The following GREB1L variants were observed in gnomAD, a reference collection of about 807,000 sequenced individuals.
The protein encoded by GREB1L is GREB1-like protein.
In GREB1L, 17 loss-of-function variants were observed where a neutral mutation model predicts 200.8. The observed-to-expected ratio is 0.08, with a 90% CI of 0.06 to 0.13. The LOEUF (loss-of-function observed/expected upper bound fraction) is 0.13. Ranked by LOEUF, GREB1L falls within the 10% of genes least tolerant of loss-of-function variation. The pLI is 1.00. For missense variants in GREB1L, 1,657 were observed against 2,367.7 expected, an observed-to-expected ratio of 0.70 and a Z score of 6.23; for synonymous variants, 789 against 893.0, an observed-to-expected ratio of 0.88 and a Z score of 2.08.
chr18:21,402,974 T>C (rs1437101892), intron 6 of GREB1L, among the ~76,000 whole-genome samples: 1 of 151,988 alleles, frequency 6.6e-6, no homozygotes, highest in Admixed American at 6.6e-5. Flanking sequence ...CTATTGGAGA[T>C]AAGCTCTTAG....
chr18:21,395,901 T>G (rs2041039862), intron 5 of GREB1L, among the ~76,000 whole-genome samples: 1 of 151,336 alleles, frequency 6.6e-6, no homozygotes, highest in Non-Finnish European at 1.5e-5. Context: ...AGCTAATTTT[T>G]GTGTTTTTAG....
intron 1 of GREB1L, among the ~76,000 whole-genome samples, chr18:21,260,391 A>AG (rs1286984757): frequency 6.6e-6 from 1 of 152,004 alleles, no homozygotes; most frequent in East Asian, 1.9e-4. Flanking sequence ...CATATTAAGG[A>AG]GGGAAAAAAA....
At chr18:21,328,901 T>TA (rs2145009833) in intron 1 of GREB1L, among the ~76,000 whole-genome samples, 2 of 152,274 alleles carry the variant, frequency 1.3e-5, no homozygotes, top group East Asian at 3.9e-4. Flanking sequence ...TATCCCCACT[T>TA]TACAGATGAG....
chr18:21,514,031 G>A, intron 28 of GREB1L, 45 bp downstream of exon 28: 2 of 1,497,072 alleles, frequency 1.3e-6, no homozygotes, highest in Non-Finnish European at 1.8e-6. Context: ...CTATAGACAG[G>A]ACAATACATT....
intron 5 of GREB1L, 55 bp downstream of exon 5, chr18:21,395,616 A>G: frequency 2.3e-6 from 3 of 1,297,354 alleles, no homozygotes; most frequent in Non-Finnish European, 2.1e-6. Flanking sequence ...TAAAATACAC[A>G]TTTATTTAAA....
At chr18:21,372,929 T>C (rs939621258) in intron 2 of GREB1L, among the ~76,000 whole-genome samples, 7 of 151,854 alleles carry the variant, frequency 4.6e-5, no homozygotes, top group African/African-American at 9.7e-5. Context: ...TTTTCCTTTT[T>C]CTTTTCTTTT....
chr18:21,427,514 A>G (rs2032711724), intron 7 of GREB1L, among the ~76,000 whole-genome samples: 1 of 152,180 alleles, frequency 6.6e-6, no homozygotes, highest in Non-Finnish European at 1.5e-5. Context: ...CAAAAAAACA[A>G]AAAACAAAAA....
chr18:21,454,554 C>A lies in GREB1L; in HGVS notation c.2173C>A (p.Arg725=), dbSNP rs1220139933. Reference sequence around the variant, plus strand: ...GGTTCAGCAAACTCTTCAGCGGATTCGACAATCAGGTAAGAGTGAACTTTC... The same window carrying A: ...GGTTCAGCAAACTCTTCAGCGGATTAGACAATCAGGTAAGAGTGAACTTTC... ...VLVQQTLQRI[R]QSGVLVDLGL... The change falls in exon 15 of 33, where the codon CGA becomes AGA. Residue 725 remains arginine, a synonymous_variant. Coordinates refer to ENST00000424526, the MANE Select transcript of GREB1L (RefSeq NM_001142966.3). 36 of 1,550,934 alleles carry A rather than the reference C, an allele frequency of 2.3e-5. No individual in the cohort carries two copies. The East Asian group carries it at 8.1e-4, about 35-fold the overall frequency.
At position 21,441,268 on chromosome 18, in the gene GREB1L, A is replaced by G. The variant is rs1228927735; in HGVS notation, c.1070-132A>G. 6.5e-6 allele frequency: 5 copies of G among 769,684 alleles called. No individual in the cohort carries two copies. In the African/African-American group the frequency reaches 9.0e-5, roughly 14 times the overall value. The allele number at this position is 769,684 out of a possible 1,614,324, so 47.7% of individuals were successfully genotyped here. A position where few individuals can be genotyped will look rare whatever the true frequency, so the allele number is the denominator to read the frequency against. On this transcript the variant is annotated intron_variant, in intron 9 of 32. Coordinates refer to ENST00000424526, the MANE Select transcript of GREB1L (RefSeq NM_001142966.3). Reference sequence around the variant, plus strand: ...TTTCACTTATCACTTTACACAATAAACCTAATGAAAAACACAACAAACCAT... The same window carrying G: ...TTTCACTTATCACTTTACACAATAAGCCTAATGAAAAACACAACAAACCAT...
chr18:21,290,749 T>C (rs1025875160), intron 1 of GREB1L, among the ~76,000 whole-genome samples: 8 of 144,300 alleles, frequency 5.5e-5, no homozygotes, highest in Non-Finnish European at 6.0e-5. Flanking sequence ...CGCTTGAACC[T>C]GGGAGGTGGA....
intron 1 of GREB1L, among the ~76,000 whole-genome samples, chr18:21,324,843 G>A (rs923367502): frequency 1.3e-5 from 2 of 152,114 alleles, no homozygotes; most frequent in African/African-American, 4.8e-5. Flanking sequence ...TGCTTCTAAG[G>A]AGAATTACTC....
intron 2 of GREB1L, among the ~76,000 whole-genome samples, chr18:21,382,491 ATT>A (rs36119910): frequency 1.1e-4 from 15 of 139,052 alleles, no homozygotes; most frequent in African/African-American, 1.1e-4. Flanking sequence ...TATACATGGA[ATT>A]TTTTTTTTTT....
intron 1 of GREB1L, among the ~76,000 whole-genome samples, chr18:21,263,451 G>A (rs1333596122): frequency 3.3e-5 from 5 of 152,126 alleles, no homozygotes; most frequent in African/African-American, 1.2e-4. Context: ...CTTAAACATT[G>A]AAATCTCCTT....
chr18:21,519,978 T>TGGTGCAATCTCGGCTC (rs1568082707), intron 31 of GREB1L, among the ~76,000 whole-genome samples: 2 of 151,180 alleles, frequency 1.3e-5, no homozygotes, highest in East Asian at 1.9e-4. Flanking sequence ...TGGAGTGCAA[T>TGGTGCAATCTCGGCTC]GGTGCAATCT....
intron 7 of GREB1L, among the ~76,000 whole-genome samples, chr18:21,408,241 GTTA>G (rs1226894939): frequency 1.3e-5 from 2 of 152,082 alleles, no homozygotes; most frequent in African/African-American, 4.8e-5. Context: ...AATATGTACA[GTTA>G]TTATCTGTCA....
At chr18:21,490,935 C>T (rs928669077) in intron 19 of GREB1L, among the ~76,000 whole-genome samples, 6 of 152,142 alleles carry the variant, frequency 3.9e-5, no homozygotes, top group African/African-American at 9.7e-5. Flanking sequence ...CTTTGCCAGG[C>T]GCCCTACAGA....
intron 1 of GREB1L, among the ~76,000 whole-genome samples, chr18:21,326,855 T>G (rs1162214437): frequency 3.3e-5 from 5 of 152,174 alleles, no homozygotes; most frequent in Non-Finnish European, 5.9e-5. Context: ...TCCCTCCTCC[T>G]TTTTCCCTAA....
At chr18:21,261,074 A>C (rs1414572455) in intron 1 of GREB1L, among the ~76,000 whole-genome samples, 1 of 152,032 alleles carries the variant, frequency 6.6e-6, no homozygotes, top group African/African-American at 2.4e-5. Flanking sequence ...CATTTCTAAT[A>C]ATTAAATCTG....
chr18:21,441,989 G>A (rs2033927663), intron 10 of GREB1L, among the ~76,000 whole-genome samples: 1 of 152,272 alleles, frequency 6.6e-6, no homozygotes, highest in East Asian at 1.9e-4. Flanking sequence ...GGTCAGGGAG[G>A]AGACATTCCA....
Sources: gnomAD v4.1 joint callset for allele counts (sites outside exome capture counted in the v4.1 genomes callset) on GRCh38, gnomAD v4.1.1 for gene constraint, MANE v1.5 for transcripts, NCBI Gene and HGNC (gene_info 2026-07-23, HGNC 2026-07-21) for gene names.